Variants in PTPRD observed in about 807,000 individuals in gnomAD.
PTPRD encodes receptor-type tyrosine-protein phosphatase delta.
A neutral mutation model predicts 214.5 loss-of-function variants in PTPRD; 34 were observed. The observed-to-expected ratio is 0.16, with a 90% CI of 0.12 to 0.21. The LOEUF is 0.21. Ranked by LOEUF, PTPRD falls within the 10% of genes least tolerant of loss-of-function variation. PTPRD has a pLI of 1.00. For synonymous variants in PTPRD, 1,128 were observed against 845.7 expected, an observed-to-expected ratio of 1.33 and a Z score of -5.79; for missense variants, 2,545 against 2,398.7, an observed-to-expected ratio of 1.06 and a Z score of -1.27.
chr9:9,973,912 G>A (rs2095253233), intron 4 of PTPRD, among the ~76,000 whole-genome samples: 1 of 152,062 alleles, frequency 6.6e-6, no homozygotes, highest in Non-Finnish European at 1.5e-5. Flanking sequence ...AAATTGAGAG[G>A]TGATCACAAG....
intron 7 of PTPRD, among the ~76,000 whole-genome samples, chr9:9,634,436 T>C (rs1350535991): frequency 1.3e-5 from 2 of 152,146 alleles, no homozygotes; most frequent in African/African-American, 4.8e-5. Context: ...ATGAGAGCAA[T>C]GGCAAATATA....
chr9:9,741,938 T>C (rs1040733822), intron 6 of PTPRD, among the ~76,000 whole-genome samples: 6 of 152,192 alleles, frequency 3.9e-5, no homozygotes, highest in African/African-American at 1.4e-4. Flanking sequence ...GTCTTTATAG[T>C]AGAATGATTT....
At chr9:10,222,109 G>C (rs144901663) in intron 3 of PTPRD, among the ~76,000 whole-genome samples, 2 of 152,088 alleles carry the variant, frequency 1.3e-5, no homozygotes, top group Non-Finnish European at 2.9e-5. Context: ...AAATTGTCTA[G>C]TTTTCTCTTA....
chr9:9,271,889 G>A lies in PTPRD; in HGVS notation c.-202-88526C>T, dbSNP rs151044945. On this transcript the variant is annotated intron_variant, in intron 9 of 45. Transcript: ENST00000381196. The stretch of plus-strand genomic sequence containing the variant: ...TATCAAATATACATACGGAAAAATA[G>A]CAGCAGTTCCTTAAAGGTTTCTGCA... Among the ~76,000 whole-genome samples, 64 of 151,374 alleles carry A rather than the reference G, an allele frequency of 4.2e-4. 1 individual carries two copies. Among genetic ancestry groups the A allele is most frequent in the African/African-American group, 1.4e-3 (57 of 41,408 alleles).
chr9:8,363,382 G>T (rs997750237), intron 39 of PTPRD, among the ~76,000 whole-genome samples: 1 of 152,126 alleles, frequency 6.6e-6, no homozygotes, highest in African/African-American at 2.4e-5. Flanking sequence ...CACAGAAAAA[G>T]GCACTCCAAT....
chr9:8,578,576 G>GGTTAT (rs552388249), intron 14 of PTPRD, among the ~76,000 whole-genome samples: 26 of 152,260 alleles, frequency 1.7e-4, no homozygotes, highest in Non-Finnish European at 3.4e-4. Flanking sequence ...GCAGAGGCTT[G>GGTTAT]GTTATCAGCC....
chr9:9,275,490 T>C (rs572786632), intron 9 of PTPRD, among the ~76,000 whole-genome samples: 55 of 151,118 alleles, frequency 3.6e-4, no homozygotes, highest in African/African-American at 1.3e-3. Context: ...TGATCTTACA[T>C]ATCTCAGTCT....
intron 3 of PTPRD, among the ~76,000 whole-genome samples, chr9:10,074,701 T>C (rs748590578): frequency 6.6e-6 from 1 of 152,048 alleles, no homozygotes; most frequent in Non-Finnish European, 1.5e-5. Flanking sequence ...GAGGAAAGAG[T>C]GGGCTCCTGT....
intron 3 of PTPRD, among the ~76,000 whole-genome samples, chr9:10,262,589 C>T (rs1401962914): frequency 6.6e-6 from 1 of 152,136 alleles, no homozygotes; most frequent in Non-Finnish European, 1.5e-5. Context: ...TGACAAATAG[C>T]AAAAACAGAG....
chr9:9,890,125 T>C (rs773650104), intron 5 of PTPRD, among the ~76,000 whole-genome samples: 1 of 152,096 alleles, frequency 6.6e-6, no homozygotes, highest in Non-Finnish European at 1.5e-5. Flanking sequence ...TGATTCCCTT[T>C]ATATGACATT....
At chr9:9,260,980 T>C (rs375133492) in intron 9 of PTPRD, among the ~76,000 whole-genome samples, 3 of 151,976 alleles carry the variant, frequency 2.0e-5, no homozygotes, top group African/African-American at 7.2e-5. Context: ...CTCTTTTTCA[T>C]TGTACATTTC....
Position 9,561,006 on chromosome 9 carries a change from G to C in PTPRD, c.-237+13726C>G, listed in dbSNP as rs1264190133. The stretch of plus-strand genomic sequence containing the variant: ...CTCTCTCTCTTTCTCTGGGTGCCAT[G>C]TGCCTGCCATGTCAAGCCATGTTGA... On this transcript the variant is annotated intron_variant, in intron 8 of 45. Coordinates refer to ENST00000381196, the MANE Select transcript of PTPRD (RefSeq NM_002839.4). Among the ~76,000 whole-genome samples, 7 of 151,976 alleles carry C rather than the reference G, an allele frequency of 4.6e-5. No homozygotes were observed. In the East Asian group the frequency reaches 1.4e-3, roughly 29 times the overall value.
At chr9:9,616,415 C>G (rs937625138) in intron 7 of PTPRD, among the ~76,000 whole-genome samples, 1 of 151,940 alleles carries the variant, frequency 6.6e-6, no homozygotes, top group African/African-American at 2.4e-5. Context: ...AAAGTAAGCT[C>G]AAAATAAGAC....
chr9:9,160,665 C>A (rs1460592834), intron 10 of PTPRD, among the ~76,000 whole-genome samples: 2 of 152,162 alleles, frequency 1.3e-5, no homozygotes, highest in Non-Finnish European at 2.9e-5. Flanking sequence ...TATGATTCAG[C>A]AAACCCACTT....
In PTPRD at chr9:10,494,896, A is replaced by C. The variant is rs376642880; in HGVS notation, c.-600+117502T>G. Among the ~76,000 whole-genome samples the C allele has an allele frequency of 2.6e-5, 4 of 151,800 alleles. No homozygotes were observed. In the East Asian group the frequency reaches 5.8e-4, roughly 22 times the overall value. ...TATAATGTATTGTAAAAATTCTAGA[A>C]GATGCATTTGACATATTGTTGACAT... On this transcript the variant is annotated intron_variant, in intron 2 of 45. Coordinates refer to ENST00000381196, the MANE Select transcript of PTPRD (RefSeq NM_002839.4).
chr9:9,836,127 A>G (rs1400950105), intron 5 of PTPRD, among the ~76,000 whole-genome samples: 1 of 152,162 alleles, frequency 6.6e-6, no homozygotes, highest in Non-Finnish European at 1.5e-5. Context: ...AATGGTTTGG[A>G]CAAATGTTTA....
intron 7 of PTPRD, among the ~76,000 whole-genome samples, chr9:9,634,011 C>A (rs992672320): frequency 2.0e-5 from 3 of 152,030 alleles, no homozygotes; most frequent in Non-Finnish European, 2.9e-5. Flanking sequence ...GAATATAAAT[C>A]TTTATGATAT....
intron 7 of PTPRD, among the ~76,000 whole-genome samples, chr9:9,619,023 G>C (rs765666892): frequency 1.2e-4 from 18 of 152,112 alleles, no homozygotes; most frequent in Admixed American, 5.9e-4. Context: ...ATGCCACAGA[G>C]AAAACAAGAA....
intron 14 of PTPRD, among the ~76,000 whole-genome samples, chr9:8,553,939 AGCACTTTG>A: frequency 6.6e-6 from 1 of 152,318 alleles, no homozygotes; most frequent in South Asian, 2.1e-4. Context: ...CTGTAATCCT[AGCACTTTG>A]GGAGGCTGAG....
Sources: allele counts gnomAD v4.1 joint callset (sites outside exome capture counted in the v4.1 genomes callset), GRCh38; gene constraint gnomAD v4.1.1; transcripts MANE v1.5; gene names NCBI Gene and HGNC (gene_info 2026-07-23, HGNC 2026-07-21).